IGFN1: variants seen among roughly 807,000 people sequenced by gnomAD.
IGFN1 encodes immunoglobulin like and fibronectin type III domain containing 1, also known as immunoglobulin-like and fibronectin type III domain-containing protein 1.
A neutral mutation model predicts 289.5 loss-of-function variants in IGFN1; 253 were observed. The observed-to-expected ratio is 0.87, with a 90% CI of 0.79 to 0.97. The LOEUF (loss-of-function observed/expected upper bound fraction) is 0.97, where lower values mean the gene tolerates loss of function less well. Among genes scored for constraint, IGFN1 ranks in the 50% least tolerant of loss-of-function variants. The probability of loss-of-function intolerance (pLI) is 0.00; values close to 1 mark genes in which losing one functional copy is unlikely to be tolerated. For synonymous variants in IGFN1, 1,706 were observed against 1,788.5 expected (o/e 0.95, Z 1.16); for missense variants, 4,470 against 4,686.1 (o/e 0.95, Z 1.35).
rs545269632 is a variant in IGFN1 at position 201,205,960 on chromosome 1, C to A, written c.1190-123C>A. On this transcript the variant is annotated intron_variant, in intron 11 of 23. Coordinates refer to ENST00000335211, the MANE Select transcript of IGFN1 (RefSeq NM_001164586.2). ...CACCTTGCTTCTCTCCTGGGGAAGT[C>A]CAGGTCAGGCAAGCAGCTGGGCTCA... The A allele has an allele frequency of 6.9e-6, 5 of 720,502 alleles. No individual in the cohort carries two copies. In the African/African-American group the frequency reaches 7.2e-5, roughly 10 times the overall value. 44.6% of individuals were successfully genotyped at this position (720,502 alleles called of 1,614,324 possible). A position where few individuals can be genotyped will look rare whatever the true frequency, so the allele number is the denominator to read the frequency against.
rs1214645738 is a variant in IGFN1 at position 201,211,296 on chromosome 1, G to T, written c.6403G>T (p.Gly2135Trp). 4 of 1,530,766 alleles carry T rather than the reference G, an allele frequency of 2.6e-6. No individual in the cohort carries two copies. In the African/African-American group the frequency reaches 4.1e-5, roughly 16 times the overall value. 94.8% of individuals were successfully genotyped at this position (1,530,766 alleles called of 1,614,324 possible). A position where few individuals can be genotyped will look rare whatever the true frequency, so the allele number is the denominator to read the frequency against. ...TGGTTTAGGGAGTTCTACAGAAATG[G>T]GGTCAGTGAATGAGGCAGGTTATAG... The part of the protein sequence containing the change: ...RDGLGSSTEM[G>W]SVNEAGYRKD... Residue 2135 changes from glycine to tryptophan, a missense_variant, in exon 12 of 24, where the codon GGG (glycine) becomes TGG (tryptophan). By Grantham distance (184) the Gly-to-Trp change is radical. Coordinates refer to ENST00000335211, the MANE Select transcript of IGFN1 (RefSeq NM_001164586.2).
Position 201,218,522 on chromosome 1 carries a change from G to A in IGFN1, c.9770-8G>A, listed in dbSNP as rs369811563. 6.2e-7 allele frequency: 1 copy of A among 1,610,910 alleles called. No homozygotes were observed. Among genetic ancestry groups the A allele is most frequent in the Admixed American group, 1.7e-5 (1 of 59,944 alleles). On this transcript the variant is annotated splice_region_variant and splice_polypyrimidine_tract_variant and intron_variant, in intron 17 of 23. Coordinates refer to ENST00000335211, the MANE Select transcript of IGFN1 (RefSeq NM_001164586.2). Reference sequence around the variant, plus strand: ...AGGGTGGGACTCACATGGGCGGGCTGTTCACAGAGAGGAGGTGGACGGTGG... The same window carrying A: ...AGGGTGGGACTCACATGGGCGGGCTATTCACAGAGAGGAGGTGGACGGTGG...
chr1:201,208,389 G>C lies in IGFN1; in HGVS notation c.3496G>C (p.Asp1166His), dbSNP rs1450716697. ...LRAGSKVGEG[D>H]GTRCPGAKAS... Reference sequence around the variant, plus strand: ...GGCAGGAAGCAAAGTGGGTGAGGGGGATGGGACAAGATGCCCTGGTGCTAA... The same window carrying C: ...GGCAGGAAGCAAAGTGGGTGAGGGGCATGGGACAAGATGCCCTGGTGCTAA... Residue 1166 changes from aspartate (D) to histidine (H), a missense_variant, in exon 12 of 24, where the codon GAT (aspartate) becomes CAT (histidine). Physicochemically the swap from Asp to His is moderately conservative, Grantham distance 81. Coordinates refer to ENST00000335211, the MANE Select transcript of IGFN1 (RefSeq NM_001164586.2). The C allele has an allele frequency of 2.8e-6, 4 of 1,453,680 alleles. No individual in the cohort carries two copies. Among genetic ancestry groups the C allele is most frequent in the Non-Finnish European group, 3.6e-6 (4 of 1,111,868 alleles). 90.0% of individuals were successfully genotyped at this position (1,453,680 alleles called of 1,614,324 possible).
At position 201,211,509 on chromosome 1, in the gene IGFN1, A is replaced by G. The variant is rs1263007844; in HGVS notation, c.6616A>G (p.Met2206Val). The G allele has an allele frequency of 6.7e-7, 1 of 1,502,520 alleles. No individual in the cohort carries two copies. The highest frequency in any genetic ancestry group is 2.6e-5 in the East Asian group (1 of 38,340). 93.1% of individuals were successfully genotyped at this position (1,502,520 alleles called of 1,614,324 possible). Residue 2206 changes from methionine to valine, a missense_variant, in exon 12 of 24, where the codon ATG becomes GTG. Transcript: ENST00000335211. The part of the protein sequence containing the change: ...FRDGLGGSEE[M>V]GSVNKAGYRK... ...GGATGGTTTAGGGGGTTCTGAAGAA[A>G]TGGGGTCAGTGAATAAGGCAGGTTA...
rs1024716670 is a variant in IGFN1 at position 201,211,806 on chromosome 1, A to G, written c.6913A>G (p.Arg2305Gly). The G allele has an allele frequency of 2.4e-5, 37 of 1,536,742 alleles. No homozygotes were observed. In the Admixed American group the frequency reaches 5.3e-4, roughly 22 times the overall value. ...TCCATTAGGGAGCGAGGCAGGTTCT[A>G]GGGGTAGTTTGGAGGATTCTGGGTA... Reference protein sequence around the residue: ...RNPLGSEAGSRGSLEDSGYIL... With the variant: ...RNPLGSEAGSGGSLEDSGYIL... Residue 2305 changes from arginine (R) to glycine (G), a missense_variant, in exon 12 of 24, where the codon AGG becomes GGG. Physicochemically the swap from Arg to Gly is moderately radical, Grantham distance 125. This residue lies in a region of IGFN1 where 2,218 missense variants were observed against 2,114.1 expected (regional missense o/e 1.05). Transcript: ENST00000335211.
chr1:201,204,814 C>A (rs973961277), intron 10 of IGFN1, among the ~76,000 whole-genome samples: 4 of 152,222 alleles, frequency 2.6e-5, no homozygotes, highest in African/African-American at 9.6e-5. Flanking sequence ...TTCCTTCATG[C>A]ATCCACCTTG....
At chr1:201,205,519 A>C (rs1031764776) in intron 11 of IGFN1, among the ~76,000 whole-genome samples, 165 bp downstream of exon 11, 2 of 152,188 alleles carry the variant, frequency 1.3e-5, no homozygotes, top group Non-Finnish European at 2.9e-5. Flanking sequence ...TGGCCAACCC[A>C]ACCCTTCTCA....
chr1:201,218,192 G>T (rs542060235), intron 17 of IGFN1, among the ~76,000 whole-genome samples: 1 of 152,350 alleles, frequency 6.6e-6, no homozygotes, highest in South Asian at 2.1e-4. Flanking sequence ...TCTAGAAAGA[G>T]AGAGATGAAC....
chr1:201,222,596 C>G lies in IGFN1; in HGVS notation c.10202-143C>G, dbSNP rs986720552. 1.9e-5 allele frequency: 11 copies of G among 579,224 alleles called. No homozygotes were observed. The East Asian group carries it at 2.7e-4, about 14-fold the overall frequency. The allele number at this position is 579,224 out of a possible 1,614,324, so 35.9% of individuals were successfully genotyped here. On this transcript the variant is annotated intron_variant, in intron 19 of 23. Transcript: ENST00000335211. ...TTCTGCTCCCAGCTGTACTCCAGTC[C>G]TTTAGAGGCCCCAGTATGTTGGGAT...
In IGFN1 at chr1:201,208,745, T is replaced by A; in HGVS notation, c.3852T>A (p.Asp1284Glu). 6.5e-7 allele frequency: 1 copy of A among 1,536,596 alleles called. No individual in the cohort carries two copies. The highest frequency in any genetic ancestry group is 8.7e-7 in the Non-Finnish European group (1 of 1,146,712). The change falls in exon 12 of 24, where the codon GAT becomes GAA. Residue 1284 changes from aspartate (D) to glutamate (E), a missense_variant. Asp to Glu is a conservative substitution (Grantham distance 45, BLOSUM62 2). This residue lies in a region of IGFN1 where 2,011 missense variants were observed against 1,953.4 expected (regional missense o/e 1.03). Transcript: ENST00000335211. ...GTTCTGGGGAAATGGGGTCAGTGGA[T>A]AAGGAAGGTTATAAGAAAGATTTGG... The part of the protein sequence containing the change: ...IGSSGEMGSV[D>E]KEGYKKDLGA...
intron 17 of IGFN1, among the ~76,000 whole-genome samples, chr1:201,218,247 T>C (rs1332741523): frequency 6.6e-6 from 1 of 152,250 alleles, no homozygotes; most frequent in Non-Finnish European, 1.5e-5. Context: ...TATTTAAATA[T>C]GACAGCAACT....
At chr1:201,216,387 G>T (rs536457217) in intron 15 of IGFN1, 67 bp from the exon 16 acceptor site, 296 of 1,330,924 alleles carry the variant, frequency 2.2e-4, no homozygotes, top group Non-Finnish European at 2.8e-4. Flanking sequence ...GAGTTGGGGG[G>T]GTTGGCGCTG....
chr1:201,218,808 C>A, intron 18 of IGFN1, 150 bp downstream of exon 18: 1 of 782,726 alleles, frequency 1.3e-6, no homozygotes, highest in Non-Finnish European at 2.0e-6. Flanking sequence ...ATCAAAAGGC[C>A]TCTCGGGTGA....
chr1:201,200,028 T>G (rs1198457903), intron 7 of IGFN1, among the ~76,000 whole-genome samples: 1 of 152,182 alleles, frequency 6.6e-6, no homozygotes, highest in East Asian at 1.9e-4. Flanking sequence ...GCATTTCTCC[T>G]GAAAGTTGTG....
In IGFN1 at chr1:201,218,553, G is replaced by A. The variant is rs148105756; in HGVS notation, c.9793G>A (p.Val3265Met). The A allele has an allele frequency of 1.3e-4, 203 of 1,613,300 alleles. 1 individual carries two copies. The highest frequency in any genetic ancestry group is 1.7e-4 in the Middle Eastern group (1 of 5,950). Reference sequence around the variant, plus strand: ...AGAGAGGAGGTGGACGGTGGCGGACGTGCGGCAGGGCTGTCAGTATGAGTT... The same window carrying A: ...AGAGAGGAGGTGGACGGTGGCGGACATGCGGCAGGGCTGTCAGTATGAGTT... ...VPERRWTVAD[V>M]RQGCQYEFRV... Residue 3265 changes from valine to methionine, a missense_variant, in exon 18 of 24, where the codon GTG becomes ATG. This residue lies in a region of IGFN1 where 2,218 missense variants were observed against 2,114.1 expected (regional missense o/e 1.05). Transcript: ENST00000335211.
intron 17 of IGFN1, 95 bp from the exon 18 acceptor site, chr1:201,218,435 C>A (rs1251538735): frequency 7.9e-7 from 1 of 1,263,910 alleles, no homozygotes; most frequent in East Asian, 2.4e-5. Context: ...GTTAGGACCC[C>A]AGGCTTGGTC....
chr1:201,199,320 C>G lies in IGFN1; in HGVS notation c.368-14C>G. 6.4e-7 allele frequency: 1 copy of G among 1,551,782 alleles called. No individual in the cohort carries two copies. The stretch of plus-strand genomic sequence containing the variant: ...TCCACATCGACTCCTTCCTCTCCTC[C>G]CTGGATGTTGCAGTTGGCTTTCGGA... On this transcript the variant is annotated splice_polypyrimidine_tract_variant and intron_variant, in intron 5 of 23. Transcript: ENST00000335211.
chr1:201,194,227 C>A lies in IGFN1; in HGVS notation c.81C>A (p.Ser27Arg). ...TGGAGGAGATCCCTGAAGGCTGCAG[C>A]ACGCCGGACTTTGAGCAGAAGCCCG... is the stretch of plus-strand genomic sequence containing the variant. ...QLVEEIPEGC[S>R]TPDFEQKPVT... Residue 27 changes from serine to arginine, a missense_variant, in exon 3 of 24, where the codon AGC (serine) becomes AGA (arginine). Ser to Arg is a moderately radical substitution (Grantham distance 110). Around this residue, in one of 8 missense-constraint regions of IGFN1, gnomAD observed 2,011 missense variants for 1,953.4 expected, o/e 1.03. Transcript: ENST00000335211. The A allele has an allele frequency of 1.9e-6, 3 of 1,551,622 alleles. No individual in the cohort carries two copies. The highest frequency in any genetic ancestry group is 2.6e-6 in the Non-Finnish European group (3 of 1,146,968).
rs778396416 is a variant in IGFN1, at chr1:201,212,605, G to T, written c.7712G>T (p.Gly2571Val). ...TDRGRVAGQG[G>V]LASQGGGDSL... ...AGGGGTAGAGTTGCTGGCCAGGGGG[G>T]GTTGGCATCTCAGGGAGGTGGGGAC... Residue 2571 changes from glycine to valine, a missense_variant, in exon 12 of 24, where the codon GGG (glycine) becomes GTG (valine). This residue lies in a region of IGFN1 where 2,218 missense variants were observed against 2,114.1 expected (regional missense o/e 1.05). Coordinates refer to ENST00000335211, the MANE Select transcript of IGFN1 (RefSeq NM_001164586.2). 2.6e-6 allele frequency: 4 copies of T among 1,546,044 alleles called. No individual in the cohort carries two copies. The highest frequency in any genetic ancestry group is 2.4e-5 in the South Asian group (2 of 83,222).
Sources: allele counts gnomAD v4.1 joint callset (sites outside exome capture counted in the v4.1 genomes callset), GRCh38; gene constraint gnomAD v4.1.1; regional missense constraint gnomAD v4.1.1; transcripts MANE v1.5; gene names NCBI Gene and HGNC (gene_info 2026-07-23, HGNC 2026-07-21).